The following CAST variants were observed in gnomAD, a reference collection of about 807,000 sequenced individuals.
The protein encoded by CAST is calpastatin.
Under a neutral mutation model 119.6 loss-of-function variants are expected in CAST, and 76 were observed. The observed-to-expected ratio is 0.64, with a 90% CI of 0.53 to 0.77. The LOEUF (loss-of-function observed/expected upper bound fraction) is 0.77. Ranked by LOEUF, CAST falls within the 30% of genes least tolerant of loss-of-function variation. The pLI is 0.00. For synonymous variants in CAST, 319 were observed against 331.6 expected (o/e 0.96, Z 0.41); for missense variants, 953 against 946.5 (o/e 1.01, Z -0.09).
the CAST span, among the ~76,000 whole-genome samples, chr5:96,003,994 G>A: frequency 2.6e-5 from 4 of 152,158 alleles, no homozygotes; most frequent in Non-Finnish European, 5.9e-5. Flanking sequence ...TTAAAATAGA[G>A]TAAGAAGAAG....
chr5:96,063,061 A>G, the CAST span, among the ~76,000 whole-genome samples: 1 of 152,150 alleles, frequency 6.6e-6, no homozygotes, highest in East Asian at 1.9e-4. Flanking sequence ...GAATCTTGGT[A>G]GACTTCCCCA....
chr5:96,122,589 G>A, the CAST span, among the ~76,000 whole-genome samples: 86 of 152,250 alleles, frequency 5.6e-4, no homozygotes, highest in African/African-American at 2.0e-3. Flanking sequence ...TAACCAGTTC[G>A]GGCTGGAGGT....
At chr5:96,187,322 G>A in the CAST span, among the ~76,000 whole-genome samples, 1 of 151,520 alleles carries the variant, frequency 6.6e-6, no homozygotes, top group Admixed American at 6.6e-5. Context: ...ATTTTTGAAG[G>A]GTTTTTCATG....
the CAST span, among the ~76,000 whole-genome samples, chr5:96,470,902 G>A: frequency 2.2e-4 from 34 of 152,130 alleles, no homozygotes; most frequent in Non-Finnish European, 4.7e-4. Context: ...TCTAATATAC[G>A]CAGATGTTGC....
chr5:96,230,499 T>A, the CAST span, among the ~76,000 whole-genome samples: 27 of 152,284 alleles, frequency 1.8e-4, no homozygotes, highest in African/African-American at 6.0e-4. Flanking sequence ...AATCTCACTT[T>A]CCATTCATTC....
At chr5:96,542,789 G>T (rs1290145407) in intron 1 of CAST, among the ~76,000 whole-genome samples, 3 of 152,132 alleles carry the variant, frequency 2.0e-5, no homozygotes, top group African/African-American at 7.2e-5. Context: ...ACGAAAAAAA[G>T]CTCATTATCA....
At chr5:96,319,152 A>G in the CAST span, 1 of 152,278 alleles carries the variant, frequency 6.6e-6, no homozygotes, top group Non-Finnish European at 1.5e-5. Flanking sequence ...AGGGAGCAAG[A>G]GAGATGCCAG....
In CAST at chr5:96,766,058, A is replaced by G; in HGVS notation, c.2043A>G (p.Lys681=). Residue 681 remains lysine, a synonymous_variant, in exon 27 of 32, where the codon AAA becomes AAG. Coordinates refer to ENST00000675179, the MANE Select transcript of CAST (RefSeq NM_001750.7). ...NKPMEDKVKE[K]AKAEHRDKLG... The stretch of plus-strand genomic sequence containing the variant: ...TCTGCTCACTGTTGATATAGGAAAA[A>G]GCTAAAGCTGAACATAGAGACAAGC... 1 of 1,590,082 alleles carries G rather than the reference A, an allele frequency of 6.3e-7. No homozygotes were observed. The highest frequency in any genetic ancestry group is 8.6e-7 in the Non-Finnish European group (1 of 1,159,694).
the CAST span, among the ~76,000 whole-genome samples, chr5:96,050,942 TG>T: frequency 2.3e-4 from 35 of 152,286 alleles, no homozygotes; most frequent in East Asian, 6.6e-3. Flanking sequence ...TTATATAATT[TG>T]AGGTCTTTGG....
At chr5:96,650,445 G>A (rs1230348845) in intron 1 of CAST, among the ~76,000 whole-genome samples, 1 of 152,172 alleles carries the variant, frequency 6.6e-6, no homozygotes, top group Non-Finnish European at 1.5e-5. Context: ...TAGGTTTCAG[G>A]TTTGTTGGTT....
At chr5:96,550,631 A>G (rs906503084) in intron 1 of CAST, among the ~76,000 whole-genome samples, 5 of 152,298 alleles carry the variant, frequency 3.3e-5, no homozygotes, top group Admixed American at 6.5e-5. Flanking sequence ...CTAAAGGAGC[A>G]TTGTTCTAAA....
chr5:96,431,975 C>A, the CAST span: 2 of 748,182 alleles, frequency 2.7e-6, no homozygotes, highest in Non-Finnish European at 4.7e-6. Flanking sequence ...AAGCAGTCTC[C>A]CACTTAATGT....
the CAST span, among the ~76,000 whole-genome samples, chr5:96,426,878 A>G: frequency 9.9e-5 from 15 of 152,230 alleles, no homozygotes; most frequent in Non-Finnish European, 1.3e-4. Context: ...TCAATTTTCA[A>G]TTAAAAATAT....
rs545774567 is a variant in CAST at position 96,683,666 on chromosome 5, A to G, written c.138+8065A>G. ...GGTCCCGGTACATTTGTCTTTCTCTATAAGTCTTCATAATGTTGGTCACTG... is the reference window on the plus strand; with the variant it reads ...GGTCCCGGTACATTTGTCTTTCTCTGTAAGTCTTCATAATGTTGGTCACTG... On this transcript the variant is annotated intron_variant, in intron 2 of 31. Transcript: ENST00000675179. Among the ~76,000 whole-genome samples, 28 of 152,254 alleles carry G rather than the reference A, an allele frequency of 1.8e-4. 1 individual carries two copies. The South Asian group carries it at 5.6e-3, about 30-fold the overall frequency.
chr5:96,698,910 T>C (rs1753594451), intron 3 of CAST, among the ~76,000 whole-genome samples: 1 of 152,234 alleles, frequency 6.6e-6, no homozygotes, highest in Admixed American at 6.5e-5. Context: ...GAAGCATATG[T>C]GTAAGCTATG....
chr5:96,671,127 A>G (rs1272100063), intron 1 of CAST, among the ~76,000 whole-genome samples: 6 of 152,174 alleles, frequency 3.9e-5, no homozygotes, highest in African/African-American at 1.4e-4. Flanking sequence ...TTGAGTTAAG[A>G]TAGCAAAGCC....
rs1401385530 is a variant in CAST, at chr5:96,729,154, T to C, written c.380T>C (p.Leu127Pro). ...EPEKKSQSTKLSVVHEKKSQE... is the reference protein window; with the variant it reads ...EPEKKSQSTKPSVVHEKKSQE... ...AGTTTAATCTTTTGAAATTGACAGCTGTCTGTGGTTCATGAGAAAAAATCC... is the reference window on the plus strand; with the variant it reads ...AGTTTAATCTTTTGAAATTGACAGCCGTCTGTGGTTCATGAGAAAAAATCC... The change falls in exon 7 of 32, where the codon CTG becomes CCG. Residue 127 changes from leucine (L) to proline (P), a missense_variant and splice_region_variant. By Grantham distance (98) the Leu-to-Pro change is moderately conservative. Coordinates refer to ENST00000675179, the MANE Select transcript of CAST (RefSeq NM_001750.7). 6.3e-7 allele frequency: 1 copy of C among 1,580,170 alleles called. No homozygotes were observed. The highest frequency in any genetic ancestry group is 1.1e-5 in the South Asian group (1 of 89,554).
At chr5:96,627,385 AC>A (rs1747744171) in intron 1 of CAST, among the ~76,000 whole-genome samples, 1 of 152,208 alleles carries the variant, frequency 6.6e-6, no homozygotes, top group African/African-American at 2.4e-5. Context: ...TATTTAAAAG[AC>A]CTTTTATGTA....
chr5:95,974,413 A>T, the CAST span, among the ~76,000 whole-genome samples: 8 of 152,228 alleles, frequency 5.3e-5, no homozygotes, highest in Non-Finnish European at 1.2e-4. Flanking sequence ...AATTCAATAG[A>T]GAGATAAATG....
Sources: allele counts gnomAD v4.1 joint callset (sites outside exome capture counted in the v4.1 genomes callset), GRCh38; gene constraint gnomAD v4.1.1; transcripts MANE v1.5; gene names NCBI Gene and HGNC (gene_info 2026-07-23, HGNC 2026-07-21).